Variants in SUSD4 observed in about 807,000 individuals in gnomAD.
SUSD4 encodes the protein sushi domain-containing protein 4.
SUSD4 carries 41 observed loss-of-function variants against 50.5 expected under a neutral mutation model. The ratio of observed to expected loss-of-function variants is 0.81; its 90% CI spans 0.63 to 1.05. The LOEUF (loss-of-function observed/expected upper bound fraction) is 1.05. Among genes scored for constraint, SUSD4 ranks in the 50% least tolerant of loss-of-function variants. The probability of loss-of-function intolerance (pLI) is 0.00; values close to 1 mark genes in which losing one functional copy is unlikely to be tolerated. For missense variants in SUSD4, 580 were observed against 634.7 expected (o/e 0.91, Z 0.93); for synonymous variants, 257 against 257.3 (o/e 1.00, Z 0.01).
chr1:223,309,591 T>A (rs1665751697), intron 2 of SUSD4, among the ~76,000 whole-genome samples: 1 of 152,170 alleles, frequency 6.6e-6, no homozygotes, highest in Admixed American at 6.5e-5. Flanking sequence ...AGATGCTGGC[T>A]AGATTATATT....
At chr1:223,364,404 G>A (rs1669199119), upstream of SUSD4, among the ~76,000 whole-genome samples, 1 of 147,824 alleles carries the variant, frequency 6.8e-6, no homozygotes, top group Non-Finnish European at 1.5e-5. The surrounding 1 kb of genome is among the most constrained non-coding windows in gnomAD (Gnocchi z 4.5). Context: ...GTGCGCGGGC[G>A]CGCGAGCACG....
At chr1:223,228,096 T>C (rs1659643667) in intron 6 of SUSD4, among the ~76,000 whole-genome samples, 1 of 151,830 alleles carries the variant, frequency 6.6e-6, no homozygotes, top group Non-Finnish European at 1.5e-5. Flanking sequence ...GACCAAGGGG[T>C]GGGGGAGTGG....
chr1:223,224,860 TCC>T lies in SUSD4; in HGVS notation c.1062-1231_1062-1230del, dbSNP rs1491542853. Among the ~76,000 whole-genome samples the T allele has an allele frequency of 3.1e-3, 403 of 129,426 alleles. 3 individuals are homozygous for T. Among genetic ancestry groups the T allele is most frequent in the African/African-American group, 0.012 (381 of 33,102 alleles). 84.9% of individuals were successfully genotyped at this position (129,426 alleles called of 152,430 possible). ...AAGTAGCCAATAGAACTTGGTTTCTTCCTTTTTTTTTTTTTTTTTTTTTTTTT... is the reference window on the plus strand; with the variant it reads ...AAGTAGCCAATAGAACTTGGTTTCTTTTTTTTTTTTTTTTTTTTTTTTTTT... On this transcript the variant is annotated intron_variant, in intron 7 of 8. Transcript: ENST00000366878.
rs1440593201 is a variant in SUSD4 at position 223,221,367 on chromosome 1, C to T, written c.*825G>A. 5.9e-6 allele frequency: 2 copies of T among 340,968 alleles called. No individual in the cohort carries two copies. Among genetic ancestry groups the T allele is most frequent in the African/African-American group, 4.2e-5 (2 of 47,486 alleles). 21.1% of individuals were successfully genotyped at this position (340,968 alleles called of 1,614,324 possible). On this transcript the variant is annotated 3_prime_UTR_variant, in exon 9 of 9. Coordinates refer to ENST00000366878, the MANE Select transcript of SUSD4 (RefSeq NM_017982.4). ...TTAAAATGCTGAAACAAAACATTAC[C>T]TTGGTTACTGTCTCCATCATGAGAT...
intron 3 of SUSD4, among the ~76,000 whole-genome samples, chr1:223,271,480 A>G (rs1227740476): frequency 1.3e-5 from 2 of 152,180 alleles, no homozygotes; most frequent in East Asian, 1.9e-4. Context: ...TCCTGAAAGA[A>G]GAGTCACCAT....
At chr1:223,232,525 A>G (rs1487119037) in intron 5 of SUSD4, among the ~76,000 whole-genome samples, 4 of 152,372 alleles carry the variant, frequency 2.6e-5, no homozygotes, top group Non-Finnish European at 4.4e-5. Flanking sequence ...CTCTTTTCAA[A>G]GCACAGAAAA....
chr1:223,277,049 CCA>C (rs1280752518), intron 3 of SUSD4, among the ~76,000 whole-genome samples: 22 of 152,164 alleles, frequency 1.4e-4, no homozygotes, highest in African/African-American at 5.3e-4. Context: ...TGCCTGCACC[CCA>C]CAGTTTCAAT....
At chr1:223,269,498 C>T (rs1457014030) in intron 3 of SUSD4, among the ~76,000 whole-genome samples, 1 of 152,208 alleles carries the variant, frequency 6.6e-6, no homozygotes, top group Non-Finnish European at 1.5e-5. Context: ...GCCACGCCAC[C>T]CCTTGCTGCC....
rs532802651 is a variant in SUSD4 at position 223,281,892 on chromosome 1, G to C, written c.361+10547C>G. On this transcript the variant is annotated intron_variant, in intron 3 of 8. Coordinates refer to ENST00000366878, the MANE Select transcript of SUSD4 (RefSeq NM_017982.4). ...GCACATCAAAAAGCTTATCCACCAC[G>C]ATCAAGTGGGCTTCATCCCTAGGAT... Among the ~76,000 whole-genome samples the C allele has an allele frequency of 1.4e-3, 216 of 152,228 alleles. 1 individual carries two copies. The highest frequency in any genetic ancestry group is 1.8e-3 in the Non-Finnish European group (123 of 68,032).
At chr1:223,259,345 A>T (rs145188288) in intron 5 of SUSD4, among the ~76,000 whole-genome samples, 1 of 152,318 alleles carries the variant, frequency 6.6e-6, no homozygotes, top group African/African-American at 2.4e-5. Flanking sequence ...TTCTGGATAA[A>T]GGATCCAGGA....
chr1:223,318,170 C>T (rs1666341144), intron 2 of SUSD4, among the ~76,000 whole-genome samples: 1 of 32,450 alleles, frequency 3.1e-5, no homozygotes, highest in Non-Finnish European at 6.1e-5. Context: ...ATCCATGTCC[C>T]TACAAAGGAC....
chr1:223,307,162 G>A (rs1444381285), intron 2 of SUSD4, among the ~76,000 whole-genome samples: 3 of 152,258 alleles, frequency 2.0e-5, no homozygotes, highest in African/African-American at 7.2e-5. Flanking sequence ...CATCCAGCCA[G>A]TCTCTTCTTG....
At chr1:223,341,696 C>T (rs936500819) in intron 2 of SUSD4, among the ~76,000 whole-genome samples, 7 of 152,292 alleles carry the variant, frequency 4.6e-5, no homozygotes, top group South Asian at 2.1e-4. Context: ...CAACTGCACA[C>T]GCAGCTACAA....
At chr1:223,235,528 AC>A (rs1660162189) in intron 5 of SUSD4, among the ~76,000 whole-genome samples, 1 of 70,546 alleles carries the variant, frequency 1.4e-5, no homozygotes, top group African/African-American at 5.4e-5. Flanking sequence ...TGCCCCACCC[AC>A]CCCCAAACCC....
intron 2 of SUSD4, among the ~76,000 whole-genome samples, chr1:223,303,098 C>T (rs181337775): frequency 5.8e-4 from 88 of 152,094 alleles, no homozygotes; most frequent in Non-Finnish European, 9.0e-4. Flanking sequence ...TAGTGAGCTA[C>T]GGTGTGATTG....
intron 7 of SUSD4, among the ~76,000 whole-genome samples, chr1:223,224,820 C>A: frequency 6.6e-6 from 1 of 150,988 alleles, no homozygotes; most frequent in East Asian, 2.0e-4. Context: ...TCAAGAGGAA[C>A]CCAGGGTGGC....
At chr1:223,287,617 G>A (rs986651407) in intron 3 of SUSD4, among the ~76,000 whole-genome samples, 1 of 152,122 alleles carries the variant, frequency 6.6e-6, no homozygotes, top group African/African-American at 2.4e-5. Flanking sequence ...GTTTTAAGGT[G>A]TTCTCAGAAC....
intron 2 of SUSD4, among the ~76,000 whole-genome samples, chr1:223,353,375 C>T (rs745992059): frequency 6.6e-6 from 1 of 152,170 alleles, no homozygotes; most frequent in African/African-American, 2.4e-5. Context: ...TCCCTCCAGA[C>T]GCTCAATAAT....
chr1:223,289,500 C>T (rs918596291), intron 3 of SUSD4, among the ~76,000 whole-genome samples: 7 of 152,118 alleles, frequency 4.6e-5, no homozygotes, highest in Admixed American at 2.0e-4. Flanking sequence ...AACAGCTGCC[C>T]AATACCACCT....
Sources: gnomAD v4.1 joint callset for allele counts (sites outside exome capture counted in the v4.1 genomes callset) on GRCh38, gnomAD v4.1.1 for gene constraint, Gnocchi (gnomAD v3.1) non-coding constraint, MANE v1.5 for transcripts, NCBI Gene and HGNC (gene_info 2026-07-23, HGNC 2026-07-21) for gene names.